Variants in EYS observed in about 807,000 individuals in gnomAD.
EYS encodes protein eyes shut homolog.
Under a neutral mutation model 282.1 loss-of-function variants are expected in EYS, and 250 were observed. The ratio of observed to expected loss-of-function variants is 0.89; its 90% CI spans 0.80 to 0.98. The LOEUF is 0.98. EYS is among the 50% of genes least tolerant of loss of function. EYS has a pLI of 0.00. For missense variants in EYS, 4,016 were observed against 3,709.0 expected (o/e 1.08, Z -2.15); for synonymous variants, 1,355 against 1,282.9 (o/e 1.06, Z -1.20).
At chr6:65,036,174 G>A (rs770276285) in intron 13 of EYS, among the ~76,000 whole-genome samples, 2 of 151,188 alleles carry the variant, frequency 1.3e-5, no homozygotes, top group Middle Eastern at 3.4e-3. Context: ...GAAATAGAGC[G>A]GCACACCTAA....
chr6:64,887,664 C>G (rs1266411378), intron 18 of EYS, among the ~76,000 whole-genome samples: 1 of 152,024 alleles, frequency 6.6e-6, no homozygotes, highest in East Asian at 1.9e-4. Flanking sequence ...GTCTAACATT[C>G]CCCATGCTCC....
intron 33 of EYS, among the ~76,000 whole-genome samples, chr6:64,010,708 T>C (rs916292091): frequency 1.3e-5 from 2 of 152,188 alleles, no homozygotes; most frequent in South Asian, 4.1e-4. Context: ...TCTTCTGCTG[T>C]GCCCAACCCT....
chr6:64,198,448 G>C (rs533339879), intron 31 of EYS, among the ~76,000 whole-genome samples: 1 of 152,150 alleles, frequency 6.6e-6, no homozygotes, highest in African/African-American at 2.4e-5. Flanking sequence ...CATTAATTCG[G>C]TATTTGTCCT....
At chr6:64,416,089 C>T (rs1004185828) in intron 28 of EYS, among the ~76,000 whole-genome samples, 65 of 152,222 alleles carry the variant, frequency 4.3e-4, no homozygotes, top group Non-Finnish European at 2.1e-4. Context: ...GAATTGGAGG[C>T]AGATTTTTTG....
chr6:64,550,176 G>C (rs912276105), intron 26 of EYS, among the ~76,000 whole-genome samples: 18 of 152,132 alleles, frequency 1.2e-4, no homozygotes, highest in African/African-American at 3.9e-4. Flanking sequence ...TTGCTATTGT[G>C]AATAGTGGCG....
chr6:65,297,551 TG>T (rs1562079786), intron 11 of EYS, among the ~76,000 whole-genome samples: 1 of 151,996 alleles, frequency 6.6e-6, no homozygotes, highest in Non-Finnish European at 1.5e-5. Flanking sequence ...TCACTGGTCT[TG>T]GAGAGAAAAC....
At chr6:63,922,540 G>C (rs541256400) in intron 35 of EYS, among the ~76,000 whole-genome samples, 22 of 152,272 alleles carry the variant, frequency 1.4e-4, no homozygotes, top group African/African-American at 5.3e-4. Context: ...TCCAGCCTGG[G>C]TGACAGAATG....
At chr6:65,552,328 A>G (rs1311427581) in intron 2 of EYS, among the ~76,000 whole-genome samples, 1 of 152,212 alleles carries the variant, frequency 6.6e-6, no homozygotes, top group African/African-American at 2.4e-5. Flanking sequence ...ATCCATCTTT[A>G]TTAGAAGTAA....
intron 18 of EYS, among the ~76,000 whole-genome samples, chr6:64,897,422 AC>A (rs1322363606): frequency 6.6e-6 from 1 of 152,158 alleles, no homozygotes; most frequent in African/African-American, 2.4e-5. Flanking sequence ...AACAGAAAAG[AC>A]GAACACGTGA....
intron 26 of EYS, among the ~76,000 whole-genome samples, chr6:64,451,307 A>T (rs892612599): frequency 6.6e-6 from 1 of 152,238 alleles, no homozygotes; most frequent in Non-Finnish European, 1.5e-5. Flanking sequence ...AGACTAAACC[A>T]GGAAGAAGTT....
intron 8 of EYS, among the ~76,000 whole-genome samples, chr6:65,376,233 A>C (rs1312671218): frequency 6.6e-6 from 1 of 152,188 alleles, no homozygotes; most frequent in African/African-American, 2.4e-5. Context: ...AACAATCTTA[A>C]AGAAAAGATT....
chr6:63,982,937 G>A (rs946942568), intron 35 of EYS, among the ~76,000 whole-genome samples: 6 of 151,866 alleles, frequency 4.0e-5, no homozygotes, highest in South Asian at 2.1e-4. Flanking sequence ...GTTTTTTCCC[G>A]TTTCTATTTC....
intron 29 of EYS, among the ~76,000 whole-genome samples, chr6:64,337,341 AC>A (rs1770891690): frequency 6.6e-6 from 1 of 152,112 alleles, no homozygotes; most frequent in East Asian, 1.9e-4. Flanking sequence ...ATTCAAGGCT[AC>A]TATGAACACC....
chr6:64,676,788 C>T (rs1186303140), intron 22 of EYS, among the ~76,000 whole-genome samples: 1 of 152,150 alleles, frequency 6.6e-6, no homozygotes, highest in Non-Finnish European at 1.5e-5. Context: ...ACTGTAACCT[C>T]TCATGATGAC....
At chr6:64,453,863 G>C (rs35757919) in intron 26 of EYS, among the ~76,000 whole-genome samples, 36,602 of 151,900 alleles carry the variant, frequency 0.24, 4,947 homozygotes, top group East Asian at 0.39. Flanking sequence ...GTTGTGGCGT[G>C]GGGGGAGTGG....
At chr6:63,842,283 C>A (rs1274328279) in intron 36 of EYS, among the ~76,000 whole-genome samples, 2 of 152,110 alleles carry the variant, frequency 1.3e-5, no homozygotes, top group East Asian at 3.9e-4. Context: ...TGTTTCCTGA[C>A]TTTTTAATGA....
intron 26 of EYS, among the ~76,000 whole-genome samples, chr6:64,524,462 G>T (rs1009019674): frequency 4.0e-5 from 6 of 151,632 alleles, no homozygotes; most frequent in Non-Finnish European, 8.9e-5. Context: ...TTTGCTGTGC[G>T]TAAGCTCTTA....
At chr6:64,165,948 T>A (rs774663660) in intron 31 of EYS, among the ~76,000 whole-genome samples, 1 of 152,218 alleles carries the variant, frequency 6.6e-6, no homozygotes, top group Non-Finnish European at 1.5e-5. Flanking sequence ...GGAATTTCTA[T>A]CAACTAAGAT....
chr6:64,089,283 T>TA (rs1441129798), intron 31 of EYS, among the ~76,000 whole-genome samples: 1 of 151,130 alleles, frequency 6.6e-6, no homozygotes. Flanking sequence ...AAGCATTCAT[T>TA]AAAAAAATAA....
Sources: gnomAD v4.1 joint callset for allele counts (sites outside exome capture counted in the v4.1 genomes callset) on GRCh38, gnomAD v4.1.1 for gene constraint, MANE v1.5 for transcripts, NCBI Gene and HGNC (gene_info 2026-07-23, HGNC 2026-07-21) for gene names.